Variants in PDPK1 observed in about 807,000 individuals in gnomAD.
The protein encoded by PDPK1 is 3-phosphoinositide dependent protein kinase 1.
In PDPK1, 7 loss-of-function variants were observed where a neutral mutation model predicts 39.8. The observed-to-expected ratio is 0.18, with a 90% confidence interval of 0.10 to 0.33. PDPK1 has a LOEUF of 0.33. Among genes scored for constraint, PDPK1 ranks in the 10% least tolerant of loss-of-function variants. The probability of loss-of-function intolerance (pLI) is 1.00; values close to 1 mark genes in which losing one functional copy is unlikely to be tolerated. For synonymous variants in PDPK1, 118 were observed against 159.1 expected (o/e 0.74, Z 1.95); for missense variants, 182 against 384.7 (o/e 0.47, Z 4.41).
chr16:2,597,376 C>T lies in PDPK1; in HGVS notation c.1554+101C>T, dbSNP rs533525003. 13 of 1,093,544 alleles carry T rather than the reference C, an allele frequency of 1.2e-5. No homozygotes were observed. In the South Asian group the frequency reaches 1.2e-4, roughly 10 times the overall value. 67.7% of individuals were successfully genotyped at this position (1,093,544 alleles called of 1,614,324 possible). A position where few individuals can be genotyped will look rare whatever the true frequency, so the allele number is the denominator to read the frequency against. ...CTTGGCCAGAGGGAGCAGCGGGGAT[C>T]GGGGCAGCTGCCTCGCCCTTTCCGA... On this transcript the variant is annotated intron_variant, in intron 13 of 13. Coordinates refer to ENST00000342085, the MANE Select transcript of PDPK1 (RefSeq NM_002613.5). This position sits in a 1 kb window ranked among gnomAD's most constrained non-coding sequence, Gnocchi z 6.3.
chr16:2,590,832 G>A (rs1331636976), intron 11 of PDPK1, among the ~76,000 whole-genome samples: 1 of 152,186 alleles, frequency 6.6e-6, no homozygotes, highest in South Asian at 2.1e-4. Context: ...TAAAAAGAAA[G>A]AGACAAGCTC....
At chr16:2,587,814 C>T (rs1004368255) in intron 11 of PDPK1, among the ~76,000 whole-genome samples, 3 of 152,252 alleles carry the variant, frequency 2.0e-5, no homozygotes, top group Non-Finnish European at 4.4e-5. Context: ...AGTTTCTCTC[C>T]AGTCTCGATA....
chr16:2,579,297 G>GT (rs1462145830), intron 7 of PDPK1: 1 of 102,048 alleles, frequency 9.8e-6, no homozygotes, highest in Non-Finnish European at 2.0e-5. Flanking sequence ...TGGGCGGGGG[G>GT]GGGGCGCGAC....
intron 11 of PDPK1, among the ~76,000 whole-genome samples, chr16:2,590,587 G>A (rs566913429): frequency 5.3e-5 from 8 of 152,320 alleles, no homozygotes; most frequent in African/African-American, 1.7e-4. Context: ...TCTGGCTGAC[G>A]GGCAAACCGC....
In PDPK1 at chr16:2,602,520, G is replaced by A. The variant is rs1163043931; in HGVS notation, c.*4753G>A. On this transcript the variant is annotated 3_prime_UTR_variant, in exon 14 of 14. Coordinates refer to ENST00000342085, the MANE Select transcript of PDPK1 (RefSeq NM_002613.5). ...AAAAGGCAGACCTTTTTTAAGCTGT[G>A]TAACCCACATAGCCTAACCACCTGG... 1.3e-5 allele frequency: 3 copies of A among 234,766 alleles called. No individual in the cohort carries two copies. Among genetic ancestry groups the A allele is most frequent in the Non-Finnish European group, 1.7e-5 (2 of 118,086 alleles). 14.5% of individuals were successfully genotyped at this position (234,766 alleles called of 1,614,324 possible). A position where few individuals can be genotyped will look rare whatever the true frequency, so the allele number is the denominator to read the frequency against.
At position 2,603,178 on chromosome 16, in the gene PDPK1, T is replaced by C. The variant is rs1232735809; in HGVS notation, c.*5411T>C. ...GTCAGTAGTCTTGTAATAAAAAGCA[T>C]GTAGAGTGTAGAGGTTTGCTGGCGT... On this transcript the variant is annotated 3_prime_UTR_variant, in exon 14 of 14. Transcript: ENST00000342085. The C allele has an allele frequency of 9.4e-6, 2 of 212,630 alleles. No homozygotes were observed. Among genetic ancestry groups the C allele is most frequent in the East Asian group, 7.0e-5 (1 of 14,190 alleles). 13.2% of individuals were successfully genotyped at this position (212,630 alleles called of 1,614,324 possible). A position where few individuals can be genotyped will look rare whatever the true frequency, so the allele number is the denominator to read the frequency against.
rs867544241 is a variant in PDPK1 at position 2,602,726 on chromosome 16, C to G, written c.*4959C>G. On this transcript the variant is annotated 3_prime_UTR_variant, in exon 14 of 14. Transcript: ENST00000342085. ...TCAGGTGGGTGGCAAGCAGAACATG[C>G]GTAATATTCTCTACCTGGTCTGTAG... 6 of 234,364 alleles carry G rather than the reference C, an allele frequency of 2.6e-5. No homozygotes were observed. Among genetic ancestry groups the G allele is most frequent in the African/African-American group, 1.3e-4 (6 of 45,292 alleles). 14.5% of individuals were successfully genotyped at this position (234,364 alleles called of 1,614,324 possible).
In PDPK1 at chr16:2,561,754, TTC is replaced by T; in HGVS notation, c.329-10_329-9del. 3.8e-6 allele frequency: 1 copy of T among 264,738 alleles called. No individual in the cohort carries two copies. The highest frequency in any genetic ancestry group is 6.2e-6 in the Non-Finnish European group (1 of 160,198). 16.4% of individuals were successfully genotyped at this position (264,738 alleles called of 1,614,324 possible). On this transcript the variant is annotated splice_polypyrimidine_tract_variant and intron_variant, in intron 3 of 13. Transcript: ENST00000342085. Reference sequence around the variant, plus strand: ...TTTGTTGTTTCTGATAGTAACTCACTTCTCTCTCACCTGAAGTTAAAATTCTG... The same window carrying T: ...TTTGTTGTTTCTGATAGTAACTCACTTCTCTCACCTGAAGTTAAAATTCTG...
rs1441838737 is a variant in PDPK1 at position 2,597,860 on chromosome 16, C to T, written c.*93C>T. 19 of 768,796 alleles carry T rather than the reference C, an allele frequency of 2.5e-5. No individual in the cohort carries two copies. Among genetic ancestry groups the T allele is most frequent in the Non-Finnish European group, 3.1e-5 (14 of 447,704 alleles). 47.6% of individuals were successfully genotyped at this position (768,796 alleles called of 1,614,324 possible). ...GGGACGCTTCCAGACCACCTGCCAGCCATCACAAGGGGAACGCAGAGGCGG... is the reference window on the plus strand; with the variant it reads ...GGGACGCTTCCAGACCACCTGCCAGTCATCACAAGGGGAACGCAGAGGCGG... On this transcript the variant is annotated 3_prime_UTR_variant, in exon 14 of 14. Transcript: ENST00000342085. The surrounding 1 kb of genome is among the most constrained non-coding windows in gnomAD (Gnocchi z 6.3).
chr16:2,546,036 C>T (rs2066338085), intron 1 of PDPK1, among the ~76,000 whole-genome samples: 1 of 152,130 alleles, frequency 6.6e-6, no homozygotes, highest in South Asian at 2.1e-4. Context: ...AGATTAGGTT[C>T]AGGCTAAGTA....
chr16:2,551,715 G>A (rs1296353129), intron 1 of PDPK1, among the ~76,000 whole-genome samples: 4 of 145,210 alleles, frequency 2.8e-5, no homozygotes, highest in Non-Finnish European at 6.0e-5. Context: ...TACCCAGGCT[G>A]GAATGCGGTG....
Position 2,538,028 on chromosome 16 carries a change from G to T in PDPK1, c.-85G>T. ...CGCAGGATGAGGGCGGCCATTGCTG[G>T]GGCTCCGCTTCGGGGAGGAGGACGC... is the stretch of plus-strand genomic sequence containing the variant. On this transcript the variant is annotated 5_prime_UTR_variant, in exon 1 of 14. Transcript: ENST00000342085. 1 of 563,192 alleles carries T rather than the reference G, an allele frequency of 1.8e-6. No homozygotes were observed. Among genetic ancestry groups the T allele is most frequent in the Non-Finnish European group, 2.3e-6 (1 of 436,452 alleles). 34.9% of individuals were successfully genotyped at this position (563,192 alleles called of 1,614,324 possible). A position where few individuals can be genotyped will look rare whatever the true frequency, so the allele number is the denominator to read the frequency against.
At position 2,545,309 on chromosome 16, in the gene PDPK1, C is replaced by G. The variant is rs146930258; in HGVS notation, c.24+7173C>G. Reference sequence around the variant, plus strand: ...GTGGTCACCTGTCCTCCTCAAAGCTCTTTCTTGTTCTTCTTTCTTTCTCTC... The same window carrying G: ...GTGGTCACCTGTCCTCCTCAAAGCTGTTTCTTGTTCTTCTTTCTTTCTCTC... On this transcript the variant is annotated intron_variant, in intron 1 of 13. Coordinates refer to ENST00000342085, the MANE Select transcript of PDPK1 (RefSeq NM_002613.5). Among the ~76,000 whole-genome samples the G allele has an allele frequency of 7.9e-5, 12 of 151,998 alleles. No individual in the cohort carries two copies. In the East Asian group the frequency reaches 1.5e-3, roughly 20 times the overall value.
At chr16:2,544,644 C>CTT (rs1567144305) in intron 1 of PDPK1, among the ~76,000 whole-genome samples, 1 of 151,840 alleles carries the variant, frequency 6.6e-6, no homozygotes, top group African/African-American at 2.4e-5. Flanking sequence ...AGTGCAGTGG[C>CTT]GCGATCTCGG....
Position 2,601,070 on chromosome 16 carries a change from T to A in PDPK1, c.*3303T>A, listed in dbSNP as rs2067205879. 8.6e-6 allele frequency: 2 copies of A among 232,822 alleles called. No homozygotes were observed. The highest frequency in any genetic ancestry group is 2.2e-5 in the African/African-American group (1 of 45,146). The allele number at this position is 232,822 out of a possible 1,614,324, so 14.4% of individuals were successfully genotyped here. On this transcript the variant is annotated 3_prime_UTR_variant, in exon 14 of 14. Transcript: ENST00000342085. Reference sequence around the variant, plus strand: ...GTTTCTGATTTTTCCACTATTTAAATAATGCTGTGATGAATATCTTTAAAA... The same window carrying A: ...GTTTCTGATTTTTCCACTATTTAAAAAATGCTGTGATGAATATCTTTAAAA...
At chr16:2,585,490 C>T (rs751948469) in intron 10 of PDPK1, among the ~76,000 whole-genome samples, 1 of 152,208 alleles carries the variant, frequency 6.6e-6, no homozygotes, top group Non-Finnish European at 1.5e-5. Flanking sequence ...TCCCCTTCAG[C>T]CAGGGAGGTT....
chr16:2,545,646 C>T lies in PDPK1; in HGVS notation c.24+7510C>T, dbSNP rs79510859. Among the ~76,000 whole-genome samples the T allele has an allele frequency of 1.1e-3, 171 of 152,198 alleles. 3 individuals carry two copies. The East Asian group carries it at 0.027, about 24-fold the overall frequency. Reference sequence around the variant, plus strand: ...AGTAGCTAGGATTACAGGCGCCCACCGCCACACTCGGCTAATTTTTATATT... The same window carrying T: ...AGTAGCTAGGATTACAGGCGCCCACTGCCACACTCGGCTAATTTTTATATT... On this transcript the variant is annotated intron_variant, in intron 1 of 13. Transcript: ENST00000342085.
intron 1 of PDPK1, chr16:2,539,650 A>C (rs987885062): frequency 6.6e-6 from 1 of 152,198 alleles, no homozygotes; most frequent in Non-Finnish European, 1.5e-5. Context: ...GTGGCTGTAC[A>C]CCAGAGTGGC....
intron 7 of PDPK1, among the ~76,000 whole-genome samples, 168 bp downstream of exon 7, chr16:2,577,668 GT>G (rs1486895290): frequency 6.7e-6 from 1 of 149,206 alleles, no homozygotes; most frequent in African/African-American, 2.5e-5. Flanking sequence ...ATGCGTTAGT[GT>G]TGTGTTCTAA....
Sources: allele counts gnomAD v4.1 joint callset (sites outside exome capture counted in the v4.1 genomes callset), GRCh38; gene constraint gnomAD v4.1.1; non-coding constraint Gnocchi (gnomAD v3.1); transcripts MANE v1.5; gene names NCBI Gene and HGNC (gene_info 2026-07-23, HGNC 2026-07-21).